The following PMFBP1 variants were observed in gnomAD, a reference collection of about 807,000 sequenced individuals.
PMFBP1 encodes polyamine-modulated factor 1-binding protein 1.
Under a neutral mutation model 137.8 loss-of-function variants are expected in PMFBP1, and 131 were observed. The observed-to-expected ratio is 0.95, with a 90% CI of 0.82 to 1.10. PMFBP1 has a LOEUF of 1.10. Among genes scored for constraint, PMFBP1 ranks in the 50% least tolerant of loss-of-function variants. The pLI, the probability that PMFBP1 is intolerant of heterozygous loss-of-function variation, is 0.00. For synonymous variants in PMFBP1, 490 were observed against 450.4 expected (o/e 1.09, Z -1.11); for missense variants, 1,199 against 1,175.4 (o/e 1.02, Z -0.29).
At chr16:72,242,097 C>A in the PMFBP1 span, among the ~76,000 whole-genome samples, 1 of 152,160 alleles carries the variant, frequency 6.6e-6, no homozygotes, top group Non-Finnish European at 1.5e-5. Flanking sequence ...TCCTCCCTGA[C>A]ACCGTGATAT....
the PMFBP1 span, chr16:72,224,947 T>C: frequency 6.6e-6 from 1 of 152,240 alleles, no homozygotes; most frequent in East Asian, 1.9e-4. Flanking sequence ...AGTTATACTC[T>C]ACTAACAATA....
chr16:72,173,820 G>A (rs997581685), upstream of PMFBP1: 1 of 152,200 alleles, frequency 6.6e-6, no homozygotes, highest in African/African-American at 2.4e-5. Flanking sequence ...GTGGAGGAAG[G>A]GCTCATCCCA....
intron 3 of PMFBP1, among the ~76,000 whole-genome samples, chr16:72,157,418 C>A (rs768333683): frequency 6.6e-6 from 1 of 151,846 alleles, no homozygotes; most frequent in Non-Finnish European, 1.5e-5. Context: ...ACGTTTGAAC[C>A]GAAACTTGAA....
intron 2 of PMFBP1, among the ~76,000 whole-genome samples, chr16:72,166,005 G>T (rs2043139603): frequency 6.6e-6 from 1 of 152,182 alleles, no homozygotes; most frequent in Non-Finnish European, 1.5e-5. Flanking sequence ...GAAGGTGGAA[G>T]AAGTCCTGTG....
chr16:72,145,837 T>C (rs934513969), intron 5 of PMFBP1, among the ~76,000 whole-genome samples: 1 of 152,092 alleles, frequency 6.6e-6, no homozygotes, highest in Admixed American at 6.6e-5. Context: ...CAGGAAGAAG[T>C]TGAATCTCTG....
intron 5 of PMFBP1, among the ~76,000 whole-genome samples, chr16:72,143,893 T>G (rs559801146): frequency 1.3e-4 from 19 of 151,826 alleles, no homozygotes; most frequent in Middle Eastern, 3.4e-3. Flanking sequence ...AGTACAAAAT[T>G]AGCCAGGCCT....
At chr16:72,124,725 G>A in intron 17 of PMFBP1, 42 bp downstream of exon 17, 2 of 1,596,840 alleles carry the variant, frequency 1.3e-6, no homozygotes, top group Non-Finnish European at 1.7e-6. Context: ...GATGTGCCTG[G>A]AGGCACTGAG....
chr16:72,217,945 C>T, the PMFBP1 span, among the ~76,000 whole-genome samples: 4 of 152,284 alleles, frequency 2.6e-5, no homozygotes, highest in Non-Finnish European at 5.9e-5. Flanking sequence ...CCACCATGGT[C>T]GATTTCAAAC....
upstream of PMFBP1, among the ~76,000 whole-genome samples, chr16:72,178,191 T>C (rs775456875): frequency 1.1e-4 from 17 of 152,172 alleles, no homozygotes; most frequent in Non-Finnish European, 1.5e-4. Context: ...ATTGAGGCTA[T>C]GCATTTTGGG....
At chr16:72,218,945 A>G in the PMFBP1 span, among the ~76,000 whole-genome samples, 14 of 152,154 alleles carry the variant, frequency 9.2e-5, no homozygotes, top group Non-Finnish European at 1.3e-4. Flanking sequence ...ATGAGGGGAC[A>G]AATGGTATGA....
the PMFBP1 span, among the ~76,000 whole-genome samples, chr16:72,230,281 A>C: frequency 4.6e-5 from 7 of 152,312 alleles, no homozygotes; most frequent in South Asian, 1.5e-3. Context: ...ATTAGGATAT[A>C]ACCAGGTTAT....
intron 5 of PMFBP1, among the ~76,000 whole-genome samples, chr16:72,146,567 A>G (rs2042809919): frequency 6.6e-6 from 1 of 152,224 alleles, no homozygotes; most frequent in Non-Finnish European, 1.5e-5. Flanking sequence ...ACAATTAGGA[A>G]AAGAGGAAGT....
At chr16:72,175,187 G>A (rs1465700307), upstream of PMFBP1, among the ~76,000 whole-genome samples, 1 of 152,148 alleles carries the variant, frequency 6.6e-6, no homozygotes, top group East Asian at 1.9e-4. Context: ...ACCTATCTGG[G>A]AATCTATTGT....
chr16:72,185,640 T>G, the PMFBP1 span, among the ~76,000 whole-genome samples: 1 of 152,152 alleles, frequency 6.6e-6, no homozygotes, highest in Non-Finnish European at 1.5e-5. Context: ...GTGGGCATAC[T>G]TGTGTGTATC....
chr16:72,191,400 G>A, the PMFBP1 span, among the ~76,000 whole-genome samples: 5 of 152,130 alleles, frequency 3.3e-5, no homozygotes, highest in Non-Finnish European at 7.4e-5. Flanking sequence ...TAGTACATTC[G>A]AGAATATTTT....
the PMFBP1 span, among the ~76,000 whole-genome samples, chr16:72,200,023 T>G: frequency 6.6e-6 from 1 of 152,224 alleles, no homozygotes; most frequent in African/African-American, 2.4e-5. Flanking sequence ...TATCAGCAGT[T>G]TGAGTGTGAC....
intron 2 of PMFBP1, among the ~76,000 whole-genome samples, chr16:72,167,808 G>A (rs1310676875): frequency 1.3e-5 from 2 of 152,204 alleles, no homozygotes; most frequent in African/African-American, 4.8e-5. Flanking sequence ...CTTAAGGCAG[G>A]GACCCTGACA....
intron 19 of PMFBP1, among the ~76,000 whole-genome samples, chr16:72,121,039 GTTCT>G (rs2042370273): frequency 6.6e-6 from 1 of 152,222 alleles, no homozygotes; most frequent in South Asian, 2.1e-4. Context: ...TCAAGAGTGA[GTTCT>G]TTGTGAAAGA....
chr16:72,234,120 G>C, the PMFBP1 span, among the ~76,000 whole-genome samples: 2 of 152,026 alleles, frequency 1.3e-5, no homozygotes, highest in African/African-American at 4.8e-5. Context: ...TGGTCATTTG[G>C]TCCCTATATA....
Sources: allele counts gnomAD v4.1 joint callset (sites outside exome capture counted in the v4.1 genomes callset), GRCh38; gene constraint gnomAD v4.1.1; transcripts MANE v1.5; gene names NCBI Gene and HGNC (gene_info 2026-07-23, HGNC 2026-07-21).